Variants in DLAT observed in about 807,000 individuals in gnomAD.
DLAT encodes the protein dihydrolipoyllysine-residue acetyltransferase component of pyruvate dehydrogenase complex, mitochondrial.
In DLAT, 43 loss-of-function variants were observed where a neutral mutation model predicts 68.0. The ratio of observed to expected loss-of-function variants is 0.63; its 90% CI spans 0.50 to 0.81. The LOEUF (loss-of-function observed/expected upper bound fraction) is 0.81, where lower values mean the gene tolerates loss of function less well. Among genes scored for constraint, DLAT ranks in the 40% least tolerant of loss-of-function variants. The pLI is 0.00. For missense variants in DLAT, 745 were observed against 815.4 expected (o/e 0.91, Z 1.05); for synonymous variants, 265 against 288.6 (o/e 0.92, Z 0.83).
intron 10 of DLAT, among the ~76,000 whole-genome samples, chr11:112,049,138 C>T (rs903560402): frequency 2.0e-5 from 3 of 151,062 alleles, no homozygotes; most frequent in Non-Finnish European, 4.4e-5. Flanking sequence ...CACCACCATG[C>T]CCGGCTAATT....
chr11:112,025,653 T>C lies in DLAT; in HGVS notation c.181T>C (p.Trp61Arg), dbSNP rs1210186508. 1.2e-6 allele frequency: 2 copies of C among 1,613,100 alleles called. No homozygotes were observed. The highest frequency in any genetic ancestry group is 2.2e-5 in the East Asian group (1 of 44,886). Residue 61 changes from tryptophan (W) to arginine (R), a missense_variant, in exon 1 of 14, where the codon TGG (tryptophan) becomes CGG (arginine). Transcript: ENST00000280346. ...TGGCGGGGTCCGGGCACTGTGCGGC[T>C]GGACCCCCAGTTCTGGGGCCACGCC... ...GYGGVRALCGWTPSSGATPRN... is the reference protein window; with the variant it reads ...GYGGVRALCGRTPSSGATPRN...
At chr11:112,040,387 TCTTC>T (rs1204536586) in intron 7 of DLAT, among the ~76,000 whole-genome samples, 1 of 152,238 alleles carries the variant, frequency 6.6e-6, no homozygotes, top group African/African-American at 2.4e-5. Flanking sequence ...TCTTCAGGGT[TCTTC>T]CTTCCTGTTA....
intron 7 of DLAT, 146 bp from the exon 8 acceptor site, chr11:112,043,320 C>A: frequency 1.3e-6 from 1 of 758,488 alleles, no homozygotes. Context: ...TAGGTAGCAC[C>A]TTAAGGGGTA....
chr11:112,054,332 TAATA>T (rs1566633636), intron 11 of DLAT, among the ~76,000 whole-genome samples: 1 of 151,108 alleles, frequency 6.6e-6, no homozygotes, highest in Non-Finnish European at 1.5e-5. Flanking sequence ...ATAATAATAA[TAATA>T]AATAAATATA....
rs117495215 is a variant in DLAT at position 112,042,176 on chromosome 11, T to G, written c.1130-1290T>G. On this transcript the variant is annotated intron_variant, in intron 7 of 13. Coordinates refer to ENST00000280346, the MANE Select transcript of DLAT (RefSeq NM_001931.5). ...CTTTTTGTTACCCATAGTCCAGTGTTGTTCCCTTTATACCATATTGCTTTA... is the reference window on the plus strand; with the variant it reads ...CTTTTTGTTACCCATAGTCCAGTGTGGTTCCCTTTATACCATATTGCTTTA... Among the ~76,000 whole-genome samples the G allele has an allele frequency of 6.9e-3, 1,047 of 152,344 alleles. 5 individuals are homozygous for G. The highest frequency in any genetic ancestry group is 0.051 in the Middle Eastern group (15 of 294).
In DLAT at chr11:112,042,379, G is replaced by C. The variant is rs181119609; in HGVS notation, c.1130-1087G>C. On this transcript the variant is annotated intron_variant, in intron 7 of 13. Transcript: ENST00000280346. ...AGATCAGCCTTGGTTGTAAGGGGAG[G>C]TTATGGTTTCTGTCTTTTACAAAGG... is the stretch of plus-strand genomic sequence containing the variant. 2.1e-3 allele frequency among the ~76,000 whole-genome samples: 321 copies of C among 152,296 alleles called. 3 individuals are homozygous for C. Among genetic ancestry groups the C allele is most frequent in the African/African-American group, 7.1e-3 (295 of 41,558 alleles).
At position 112,028,608 on chromosome 11, in the gene DLAT, AT is replaced by A; in HGVS notation, c.476del (p.Ile159ThrfsTer72). 6.2e-7 allele frequency: 1 copy of A among 1,614,180 alleles called. No individual in the cohort carries two copies. Among genetic ancestry groups the A allele is most frequent in the South Asian group, 1.1e-5 (1 of 91,086 alleles). On this transcript the variant is annotated frameshift_variant, in exon 3 of 14. Coordinates refer to ENST00000280346, the MANE Select transcript of DLAT (RefSeq NM_001931.5). LOFTEE classifies it high-confidence loss of function. Reference protein sequence around the residue: ...LVAEGTRDVPIGAIICITVGK... With the variant: ...LVAEGTRDVPXGAIICITVGK... ...TGCTGAAGGTACCAGGGATGTTCCC[AT>A]CGGAGCGATCATCTGTATCACAGTT...
chr11:112,027,854 A>G (rs1223134092), intron 2 of DLAT, among the ~76,000 whole-genome samples: 11 of 152,142 alleles, frequency 7.2e-5, no homozygotes, highest in African/African-American at 2.2e-4. Flanking sequence ...GCAGCAGTAC[A>G]GTCCAGCTTC....
intron 5 of DLAT, among the ~76,000 whole-genome samples, chr11:112,035,790 CTT>C (rs781796619): frequency 1.3e-4 from 14 of 106,650 alleles, no homozygotes; most frequent in Non-Finnish European, 9.4e-5. Context: ...CGCACCCAGC[CTT>C]TTTTTTTTTT....
intron 4 of DLAT, among the ~76,000 whole-genome samples, chr11:112,032,171 A>T (rs1408855918): frequency 6.6e-6 from 1 of 151,560 alleles, no homozygotes; most frequent in Admixed American, 6.6e-5. Flanking sequence ...GGGATTACAG[A>T]TGTGAACAGC....
At chr11:112,048,062 G>A (rs925925272) in intron 10 of DLAT, among the ~76,000 whole-genome samples, 3 of 152,158 alleles carry the variant, frequency 2.0e-5, no homozygotes, top group Non-Finnish European at 2.9e-5. Flanking sequence ...TGGGCAGTAT[G>A]TCCATTTTCA....
Position 112,039,296 on chromosome 11 carries a change from C to A in DLAT, c.1028C>A (p.Pro343His). 6.2e-7 allele frequency: 1 copy of A among 1,614,062 alleles called. No homozygotes were observed. The highest frequency in any genetic ancestry group is 8.5e-7 in the Non-Finnish European group (1 of 1,180,004). The change falls in exon 7 of 14, where the codon CCC (proline) becomes CAC (histidine). Residue 343 changes from proline (P) to histidine (H), a missense_variant. Coordinates refer to ENST00000280346, the MANE Select transcript of DLAT (RefSeq NM_001931.5). ...PQPLAPTPSA[P>H]CPATPAGPKG... ...CCTTTAGCTCCTACACCTTCAGCAC[C>A]CTGCCCAGCTACTCCTGCTGGACCA...
intron 10 of DLAT, among the ~76,000 whole-genome samples, chr11:112,050,167 C>T (rs1555181848): frequency 6.6e-6 from 1 of 152,160 alleles, no homozygotes; most frequent in East Asian, 1.9e-4. Flanking sequence ...GACATTATTA[C>T]ATTAATGGAT....
rs1363143226 is a variant in DLAT at position 112,060,155 on chromosome 11, G to A, written c.1677+90G>A. 1.1e-5 allele frequency: 9 copies of A among 838,294 alleles called. No individual in the cohort carries two copies. In the Admixed American group the frequency reaches 1.4e-4, roughly 13 times the overall value. 51.9% of individuals were successfully genotyped at this position (838,294 alleles called of 1,614,324 possible). A position where few individuals can be genotyped will look rare whatever the true frequency, so the allele number is the denominator to read the frequency against. On this transcript the variant is annotated intron_variant, in intron 12 of 13. Transcript: ENST00000280346. ...ATTTTTCACCTTTTGATTCTGTCAC[G>A]TAATTTTTTTTTTTTTTTTTTTTTT... is the stretch of plus-strand genomic sequence containing the variant.
chr11:112,058,260 A>G (rs1338213431), intron 11 of DLAT, among the ~76,000 whole-genome samples: 2 of 152,196 alleles, frequency 1.3e-5, no homozygotes, highest in African/African-American at 4.8e-5. Flanking sequence ...GCAATATTGT[A>G]ATAATTTATT....
chr11:112,061,192 G>A lies in DLAT; in HGVS notation c.1814+18G>A. The A allele has an allele frequency of 6.2e-7, 1 of 1,613,888 alleles. No individual in the cohort carries two copies. Among genetic ancestry groups the A allele is most frequent in the East Asian group, 2.2e-5 (1 of 44,866 alleles). Reference sequence around the variant, plus strand: ...GAAAAAGGGTAAGTGCCAAAATGGAGGGGAAGTCGTAAGCTAATTTTTATT... The same window carrying A: ...GAAAAAGGGTAAGTGCCAAAATGGAAGGGAAGTCGTAAGCTAATTTTTATT... On this transcript the variant is annotated intron_variant, in intron 13 of 13. Coordinates refer to ENST00000280346, the MANE Select transcript of DLAT (RefSeq NM_001931.5).
chr11:112,047,408 G>T (rs1592696316), intron 10 of DLAT, among the ~76,000 whole-genome samples: 1 of 152,172 alleles, frequency 6.6e-6, no homozygotes, highest in South Asian at 2.1e-4. Flanking sequence ...CTCCCATTCT[G>T]TAGGTTGCCT....
chr11:112,045,372 C>T (rs1863256255), intron 9 of DLAT, 142 bp downstream of exon 9: 3 of 751,632 alleles, frequency 4.0e-6, no homozygotes, highest in African/African-American at 1.7e-5. Flanking sequence ...TTTTGGCCAA[C>T]TGAATACTTG....
In DLAT at chr11:112,028,420, CAAA is replaced by C. The variant is rs148561787; in HGVS notation, c.382-72_382-70del. On this transcript the variant is annotated intron_variant, in intron 2 of 13. Coordinates refer to ENST00000280346, the MANE Select transcript of DLAT (RefSeq NM_001931.5). ...GGTGACAGAATGAGACTCTGTGTCT[CAAA>C]AAAAAAAAAAAAAAAAAAAAAATTC... 71,037 of 781,424 alleles carry C rather than the reference CAAA, an allele frequency of 0.091. 292 individuals are homozygous for C. Among genetic ancestry groups the C allele is most frequent in the African/African-American group, 0.2 (7,914 of 39,226 alleles). The allele number at this position is 781,424 out of a possible 1,614,324, so 48.4% of individuals were successfully genotyped here.
Sources: allele counts gnomAD v4.1 joint callset (sites outside exome capture counted in the v4.1 genomes callset), GRCh38; gene constraint gnomAD v4.1.1; transcripts MANE v1.5; gene names NCBI Gene and HGNC (gene_info 2026-07-23, HGNC 2026-07-21).